Variants in NUP160 observed in about 807,000 individuals in gnomAD.
NUP160 encodes the protein nuclear pore complex protein Nup160.
In NUP160, 94 loss-of-function variants were observed where a neutral mutation model predicts 196.9. That is an observed-to-expected ratio of 0.48 (90% confidence interval 0.40 to 0.57). NUP160 has a LOEUF of 0.57. Ranked by LOEUF, NUP160 falls within the 20% of genes least tolerant of loss-of-function variation. The pLI is 0.00. For missense variants in NUP160, 1,638 were observed against 1,748.3 expected, an observed-to-expected ratio of 0.94 and a Z score of 1.13; for synonymous variants, 605 against 619.7, an observed-to-expected ratio of 0.98 and a Z score of 0.35.
exon 20 of NUP160, chr11:47,806,254 A>T (rs138635597): frequency 3.0e-5 from 48 of 1,613,478 alleles, no homozygotes; most frequent in Non-Finnish European, 4.1e-5. Flanking sequence ...GGTGAGATAT[A>T]ATGTGTTTTC....
intron 23 of NUP160, among the ~76,000 whole-genome samples, 192 bp from the exon 24 acceptor site, chr11:47,798,655 T>G (rs1364037236): frequency 6.6e-6 from 1 of 151,688 alleles, no homozygotes; most frequent in Non-Finnish European, 1.5e-5. Context: ...AAGACCCCCA[T>G]CTCTACAAAA....
chr11:47,848,351 A>G lies in NUP160; in HGVS notation c.70T>C (p.Cys24Arg), dbSNP rs773578213. 2 of 1,613,004 alleles carry G rather than the reference A, an allele frequency of 1.2e-6. No individual in the cohort carries two copies. Among genetic ancestry groups the G allele is most frequent in the East Asian group, 4.5e-5 (2 of 44,870 alleles). Reference sequence around the variant, plus strand: ...CCGTCGCCGCGACGCCCAACGGAACAAAGGCAGGGCCGCGCGGTCGCCGTC... The same window carrying G: ...CCGTCGCCGCGACGCCCAACGGAACGAAGGCAGGGCCGCGCGGTCGCCGTC... The change falls in exon 1 of 36, where the codon TGT (cysteine) becomes CGT (arginine). Residue 24 changes from cysteine (C) to arginine (R), a missense_variant. Transcript: ENST00000378460.
intron 2 of NUP160, 39 bp downstream of exon 2, chr11:47,847,809 C>A (rs758600123): frequency 1.4e-6 from 2 of 1,430,318 alleles, no homozygotes; most frequent in Non-Finnish European, 9.9e-7. Flanking sequence ...TACACCAAAC[C>A]CTACCTTCCA....
At chr11:47,796,434 T>A in intron 27 of NUP160, 1 of 316,462 alleles carries the variant, frequency 3.2e-6, no homozygotes, top group Non-Finnish European at 5.8e-6. Flanking sequence ...AAAAAAATCA[T>A]GATGTCTTTA....
rs1555005034 is a variant in NUP160 at position 47,824,045 on chromosome 11, A to ATATATG, written c.1102-1882_1102-1881insCATATA. Among the ~76,000 whole-genome samples the ATATATG allele has an allele frequency of 5.1e-3, 504 of 98,314 alleles. 18 individuals are homozygous for ATATATG. The highest frequency in any genetic ancestry group is 0.024 in the Admixed American group (217 of 8,874). 64.5% of individuals were successfully genotyped at this position (98,314 alleles called of 152,430 possible). A position where few individuals can be genotyped will look rare whatever the true frequency, so the allele number is the denominator to read the frequency against. On this transcript the variant is annotated intron_variant, in intron 7 of 35. Transcript: ENST00000378460. ...TATATATATATATATATATATATAT[A>ATATATG]TATATATACACACACACATAGAAGT...
intron 14 of NUP160, 35 bp from the exon 15 acceptor site, chr11:47,813,082 A>G (rs758048702): frequency 1.6e-5 from 23 of 1,425,390 alleles, no homozygotes; most frequent in Non-Finnish European, 2.1e-5. Flanking sequence ...TTATGTCTTA[A>G]GCCAATGACA....
chr11:47,813,499 G>C (rs1599326692), intron 13 of NUP160, 84 bp from the exon 14 acceptor site: 1 of 847,508 alleles, frequency 1.2e-6, no homozygotes, highest in East Asian at 2.5e-5. Flanking sequence ...CTTATCATGA[G>C]GCAAACCCAA....
Position 47,792,955 on chromosome 11 carries a change from A to C in NUP160, c.3290-9T>G, listed in dbSNP as rs777641537. 6 of 1,601,454 alleles carry C rather than the reference A, an allele frequency of 3.7e-6. No homozygotes were observed. In the African/African-American group the frequency reaches 8.1e-5, roughly 22 times the overall value. ...AAACATCACTGTGCCAGCTATGAGG[A>C]GATAATAAATTAGACTTTAGAACTT... On this transcript the variant is annotated splice_polypyrimidine_tract_variant and intron_variant, in intron 27 of 35. Coordinates refer to ENST00000378460, the Ensembl canonical transcript of NUP160.
At chr11:47,794,037 T>C (rs778389028) in intron 27 of NUP160, among the ~76,000 whole-genome samples, 1 of 152,116 alleles carries the variant, frequency 6.6e-6, no homozygotes, top group Non-Finnish European at 1.5e-5. Context: ...GCCAAATTCA[T>C]AGAGATGGGT....
chr11:47,827,611 G>A (rs2135391026), intron 7 of NUP160, among the ~76,000 whole-genome samples: 1 of 152,096 alleles, frequency 6.6e-6, no homozygotes, highest in East Asian at 1.9e-4. Context: ...CTACTCAGAA[G>A]GCTGAGGTGG....
exon 30 of NUP160, chr11:47,788,552 G>A (rs747880685): frequency 1.3e-5 from 21 of 1,613,832 alleles, no homozygotes; most frequent in Non-Finnish European, 1.5e-5. Context: ...AGGCGGATGC[G>A]AGCCAAGGAA....
At chr11:47,811,274 C>T (rs541328290) in intron 17 of NUP160, among the ~76,000 whole-genome samples, 3 of 151,982 alleles carry the variant, frequency 2.0e-5, no homozygotes, top group Non-Finnish European at 4.4e-5. Flanking sequence ...TTTGGGAGGC[C>T]GAGGTAGGTG....
exon 31 of NUP160, chr11:47,788,191 A>C (rs1172630533): frequency 6.2e-7 from 1 of 1,611,984 alleles, no homozygotes; most frequent in Non-Finnish European, 8.5e-7. Flanking sequence ...CTTGAAGGCA[A>C]GCCCTTCAAA....
At chr11:47,806,788 TATACACACACACACACACACACACAC>T (rs1216301420) in intron 19 of NUP160, among the ~76,000 whole-genome samples, 37 of 106,498 alleles carry the variant, frequency 3.5e-4, no homozygotes, top group South Asian at 1.6e-3. Flanking sequence ...GGAAAGCAGC[TATACACACACACACACACACACACAC>T]ACACACACAC....
intron 27 of NUP160, among the ~76,000 whole-genome samples, chr11:47,795,620 T>C (rs1599311713): frequency 6.6e-6 from 1 of 152,166 alleles, no homozygotes; most frequent in Admixed American, 6.5e-5. Flanking sequence ...CTTAAAACAA[T>C]CTCACATTCC....
At chr11:47,780,260 C>T in intron 35 of NUP160, 83 bp downstream of exon 35, 4 of 979,476 alleles carry the variant, frequency 4.1e-6, no homozygotes, top group Non-Finnish European at 6.5e-6. Context: ...CTTTCTAATC[C>T]CGGAGAACTG....
Position 47,812,419 on chromosome 11 carries a change from T to C in NUP160, c.1963A>G (p.Met655Val). The change falls in exon 16 of 36, where the codon ATG (methionine) becomes GTG (valine). Residue 655 changes from methionine (M) to valine (V), a missense_variant. Coordinates refer to ENST00000378460, the Ensembl canonical transcript of NUP160. Reference sequence around the variant, plus strand: ...TGCAGTTTACTACAAATATCCTCCATCACATTTTCTCTATAAGGACAATTA... The same window carrying C: ...TGCAGTTTACTACAAATATCCTCCACCACATTTTCTCTATAAGGACAATTA... 1.9e-6 allele frequency: 3 copies of C among 1,612,836 alleles called. No homozygotes were observed. The highest frequency in any genetic ancestry group is 2.2e-5 in the East Asian group (1 of 44,858).
At chr11:47,840,674 G>T in intron 2 of NUP160, 86 bp from the exon 3 acceptor site, 2 of 1,098,748 alleles carry the variant, frequency 1.8e-6, no homozygotes, top group South Asian at 1.8e-5. Flanking sequence ...GTGTCCAAGT[G>T]AACTCACCAA....
chr11:47,801,334 A>C, intron 23 of NUP160, among the ~76,000 whole-genome samples: 1 of 152,246 alleles, frequency 6.6e-6, no homozygotes, highest in South Asian at 2.1e-4. Flanking sequence ...TTTAACTTAA[A>C]ATATGTTTCT....
Sources: allele counts gnomAD v4.1 joint callset (sites outside exome capture counted in the v4.1 genomes callset), GRCh38; gene constraint gnomAD v4.1.1; transcripts MANE v1.5; gene names NCBI Gene and HGNC (gene_info 2026-07-23, HGNC 2026-07-21).